FBN3: variants seen among roughly 807,000 people sequenced by gnomAD.
The protein encoded by FBN3 is fibrillin-3.
Under a neutral mutation model 330.1 loss-of-function variants are expected in FBN3, and 234 were observed. The observed-to-expected ratio is 0.71, with a 90% CI of 0.64 to 0.79. The LOEUF (loss-of-function observed/expected upper bound fraction) is 0.79, where lower values mean the gene tolerates loss of function less well. FBN3 is among the 30% of genes least tolerant of loss of function. The pLI is 0.00. For missense variants in FBN3, 3,606 were observed against 3,886.9 expected (o/e 0.93, Z 1.92); for synonymous variants, 1,458 against 1,517.3 (o/e 0.96, Z 0.91).
At position 8,109,131 on chromosome 19, in the gene FBN3, A is replaced by T; in HGVS notation, c.4618+96T>A. ...CCAGTTCTTGGTTTTCCTGTCGCCT[A>T]AGCCCCCCACCACCGCCATTAGCAG... On this transcript the variant is annotated intron_variant, in intron 36 of 63. Transcript: ENST00000600128. The surrounding 1 kb of genome is among the most constrained non-coding windows in gnomAD (Gnocchi z 5.2). 2 of 1,246,606 alleles carry T rather than the reference A, an allele frequency of 1.6e-6. No homozygotes were observed. Among genetic ancestry groups the T allele is most frequent in the Non-Finnish European group, 2.2e-6 (2 of 895,856 alleles). 77.2% of individuals were successfully genotyped at this position (1,246,606 alleles called of 1,614,324 possible).
chr19:8,142,153 A>G lies in FBN3; in HGVS notation c.542-16T>C, dbSNP rs759573396. ...GTCCGGTAATCTGCAGGGCAGACAG[A>G]TGTGGGTACCTGGCTGAGGGCTGCC... On this transcript the variant is annotated splice_polypyrimidine_tract_variant and intron_variant, in intron 6 of 63. Transcript: ENST00000600128. The G allele has an allele frequency of 5.0e-6, 8 of 1,590,592 alleles. No homozygotes were observed. In the South Asian group the frequency reaches 8.9e-5, roughly 18 times the overall value.
intron 47 of FBN3, among the ~76,000 whole-genome samples, 172 bp from the exon 48 acceptor site, chr19:8,091,762 T>C (rs1172257591): frequency 6.6e-6 from 1 of 152,190 alleles, no homozygotes; most frequent in Non-Finnish European, 1.5e-5. Context: ...GCATTGTGTG[T>C]GCACGTAGGT....
intron 29 of FBN3, 99 bp from the exon 30 acceptor site, chr19:8,115,739 G>T: frequency 7.2e-7 from 1 of 1,395,562 alleles, no homozygotes; most frequent in Non-Finnish European, 1.0e-6. Flanking sequence ...ATTCCTGACT[G>T]TCCCGCCGCA....
chr19:8,067,123 CTTTTTCTTTTTT>C (rs1167878197), intron 63 of FBN3, among the ~76,000 whole-genome samples: 1 of 147,424 alleles, frequency 6.8e-6, no homozygotes, highest in Non-Finnish European at 1.5e-5. Context: ...GTTTCTTCTT[CTTTTTCTTTTTT>C]TTTTTTTTTT....
chr19:8,085,765 G>T (rs2081929555), intron 55 of FBN3, among the ~76,000 whole-genome samples, 196 bp from the exon 56 acceptor site: 1 of 152,068 alleles, frequency 6.6e-6, no homozygotes, highest in Non-Finnish European at 1.5e-5. Flanking sequence ...GAGATCTGGG[G>T]AAGGTTGGTT....
intron 34 of FBN3, among the ~76,000 whole-genome samples, chr19:8,110,008 C>G (rs898477458): frequency 5.3e-5 from 8 of 152,164 alleles, no homozygotes; most frequent in African/African-American, 1.7e-4. Context: ...TCTACCTGCC[C>G]TGGGTTCCAT....
At chr19:8,067,419 C>A (rs2081418477) in intron 63 of FBN3, among the ~76,000 whole-genome samples, 1 of 152,184 alleles carries the variant, frequency 6.6e-6, no homozygotes, top group African/African-American at 2.4e-5. Flanking sequence ...AGCCATTGTG[C>A]CTGGCCAAGG....
intron 59 of FBN3, among the ~76,000 whole-genome samples, chr19:8,077,700 T>C (rs2081673381): frequency 6.6e-6 from 1 of 151,710 alleles, no homozygotes; most frequent in Admixed American, 6.6e-5. Flanking sequence ...CATGGGAACA[T>C]GAAGCTTCTA....
At chr19:8,143,499 T>TTTC (rs1555756838) in intron 6 of FBN3, among the ~76,000 whole-genome samples, 5 of 144,898 alleles carry the variant, frequency 3.5e-5, no homozygotes, top group African/African-American at 1.3e-4. Flanking sequence ...TTTCTTTTCT[T>TTTC]TTTTTTTTTT....
Position 8,131,652 on chromosome 19 carries a change from C to T in FBN3, c.1892G>A (p.Arg631His), listed in dbSNP as rs372169996. The T allele has an allele frequency of 1.1e-5, 18 of 1,614,042 alleles. No homozygotes were observed. The highest frequency in any genetic ancestry group is 8.0e-5 in the African/African-American group (6 of 74,952). ...YGAIEKGSCA[R>H]PFPGTVTKSE... is the part of the protein sequence containing the mutation. ...CTTGGTGACAGTGCCAGGGAAGGGG[C>T]GGGCACAGGAGCCCTTCTCGATGGC... Residue 631 changes from arginine to histidine, a missense_variant, in exon 15 of 64, where the codon CGC (arginine) becomes CAC (histidine). Arg to His is a conservative substitution (Grantham distance 29, BLOSUM62 0). Transcript: ENST00000600128. This position sits in a 1 kb window ranked among gnomAD's most constrained non-coding sequence, Gnocchi z 4.5.
In FBN3 at chr19:8,149,535, C is replaced by T. The variant is rs1364645096; in HGVS notation, c.-104G>A. On this transcript the variant is annotated 5_prime_UTR_variant, in exon 1 of 64. Transcript: ENST00000600128. This position sits in a 1 kb window ranked among gnomAD's most constrained non-coding sequence, Gnocchi z 5.5. ...GGGCGGGCTCCTGCGGCGCCGGGGA[C>T]CCGGGGCGGGAACGCAAAGCCGAGA... 1 of 152,028 alleles carries T rather than the reference C, an allele frequency of 6.6e-6. No individual in the cohort carries two copies. Among genetic ancestry groups the T allele is most frequent in the Non-Finnish European group, 1.5e-5 (1 of 67,956 alleles). The allele number at this position is 152,028 out of a possible 1,614,324, so 9.4% of individuals were successfully genotyped here.
At chr19:8,089,383 G>A (rs1411251360) in intron 51 of FBN3, among the ~76,000 whole-genome samples, 162 bp downstream of exon 51, 1 of 152,230 alleles carries the variant, frequency 6.6e-6, no homozygotes, top group East Asian at 1.9e-4. Context: ...GTGAATTAAT[G>A]AGTGAATGAA....
chr19:8,072,073 C>T lies in FBN3; in HGVS notation c.8063G>A (p.Arg2688Gln), dbSNP rs375603937. 31 of 1,612,438 alleles carry T rather than the reference C, an allele frequency of 1.9e-5. No individual in the cohort carries two copies. The highest frequency in any genetic ancestry group is 8.0e-5 in the African/African-American group (6 of 74,884). The change falls in exon 63 of 64, where the codon CGA becomes CAA. Residue 2688 changes from arginine (R) to glutamine (Q), a missense_variant. By Grantham distance (43) the Arg-to-Gln change is conservative. Transcript: ENST00000600128. ...CTGGTGGTCCCTGTGGGCACTGCGT[C>T]GTGGCCGGTCCCGAGGGGAGAGGCC... ...INGLSPRDRP[R>Q]RSAHRDHQVN...
Position 8,109,748 on chromosome 19 carries a change from T to C in FBN3, c.4339A>G (p.Asn1447Asp). 1.3e-6 allele frequency: 2 copies of C among 1,515,258 alleles called. No homozygotes were observed. The highest frequency in any genetic ancestry group is 2.3e-5 in the East Asian group (1 of 43,006). The allele number at this position is 1,515,258 out of a possible 1,614,324, so 93.9% of individuals were successfully genotyped here. A position where few individuals can be genotyped will look rare whatever the true frequency, so the allele number is the denominator to read the frequency against. The change falls in exon 35 of 64, where the codon AAC becomes GAC. Residue 1447 changes from asparagine (N) to aspartate (D), a missense_variant. Asn to Asp is a conservative substitution (Grantham distance 23). Coordinates refer to ENST00000600128, the MANE Select transcript of FBN3 (RefSeq NM_032447.5). The surrounding 1 kb of genome is among the most constrained non-coding windows in gnomAD (Gnocchi z 5.2). ...CAGTTTACTGGGTCTGCACACTCGT[T>C]GATGTCTGTAGGGAGGAAGCGCGGT... The part of the protein sequence containing the change: ...DRGGGNCTDI[N>D]ECADPVNCIN...
chr19:8,095,568 A>G (rs2082191779), intron 45 of FBN3, 65 bp from the exon 46 acceptor site: 1 of 1,558,710 alleles, frequency 6.4e-7, no homozygotes, highest in African/African-American at 1.3e-5. Flanking sequence ...CCTTCCTTGT[A>G]CTTCTGTCCA....
At position 8,096,855 on chromosome 19, in the gene FBN3, C is replaced by A; in HGVS notation, c.5413+26G>T. 1 of 1,609,676 alleles carries A rather than the reference C, an allele frequency of 6.2e-7. No homozygotes were observed. The highest frequency in any genetic ancestry group is 8.5e-7 in the Non-Finnish European group (1 of 1,179,176). ...CATGGGTGACAGAGCCCAGCTCCCT[C>A]ACCTCCTCCCAGGGACCCTGCTCAC... On this transcript the variant is annotated intron_variant, in intron 43 of 63. Transcript: ENST00000600128. The surrounding 1 kb of genome is among the most constrained non-coding windows in gnomAD (Gnocchi z 4.6).
rs2082210449 is a variant in FBN3, at chr19:8,096,455, G to C, written c.5528C>G (p.Thr1843Ser). Residue 1843 changes from threonine to serine, a missense_variant, in exon 44 of 64, where the codon ACC becomes AGC. Physicochemically the swap from Thr to Ser is moderately conservative, Grantham distance 58 (BLOSUM62 1). Coordinates refer to ENST00000600128, the MANE Select transcript of FBN3 (RefSeq NM_032447.5). This position sits in a 1 kb window ranked among gnomAD's most constrained non-coding sequence, Gnocchi z 4.6. Reference protein sequence around the residue: ...HRGFQASADQTLCMDIDECDR... With the variant: ...HRGFQASADQSLCMDIDECDR... Reference sequence around the variant, plus strand: ...GATAAGGGTCTCACCCATGCACAGGGTCTGGTCTGCAGAGGCCTGGAATCC... The same window carrying C: ...GATAAGGGTCTCACCCATGCACAGGCTCTGGTCTGCAGAGGCCTGGAATCC... 1 of 1,613,720 alleles carries C rather than the reference G, an allele frequency of 6.2e-7. No homozygotes were observed. The highest frequency in any genetic ancestry group is 1.1e-5 in the South Asian group (1 of 91,054).
In FBN3 at chr19:8,131,466, T is replaced by C; in HGVS notation, c.1990+88A>G. On this transcript the variant is annotated intron_variant, in intron 15 of 63. Coordinates refer to ENST00000600128, the MANE Select transcript of FBN3 (RefSeq NM_032447.5). This position sits in a 1 kb window ranked among gnomAD's most constrained non-coding sequence, Gnocchi z 4.5. ...CTTTTTGGGAAGAGCCCCCACTCCA[T>C]GGCAGCCATGACCCCCCACCAGAAG... 6.6e-7 allele frequency: 1 copy of C among 1,520,986 alleles called. No individual in the cohort carries two copies. Among genetic ancestry groups the C allele is most frequent in the South Asian group, 1.3e-5 (1 of 79,818 alleles). The allele number at this position is 1,520,986 out of a possible 1,614,324, so 94.2% of individuals were successfully genotyped here. A position where few individuals can be genotyped will look rare whatever the true frequency, so the allele number is the denominator to read the frequency against.
chr19:8,089,139 GAATT>G (rs1182607274), intron 51 of FBN3, among the ~76,000 whole-genome samples: 11 of 152,096 alleles, frequency 7.2e-5, no homozygotes, highest in African/African-American at 9.7e-5. Flanking sequence ...GGGAGTTAGT[GAATT>G]AATAAGTGAA....
Sources: gnomAD v4.1 joint callset for allele counts (sites outside exome capture counted in the v4.1 genomes callset) on GRCh38, gnomAD v4.1.1 for gene constraint, Gnocchi (gnomAD v3.1) non-coding constraint, MANE v1.5 for transcripts, NCBI Gene and HGNC (gene_info 2026-07-23, HGNC 2026-07-21) for gene names.